GPHN: variants seen among roughly 807,000 people sequenced by gnomAD.
GPHN encodes the protein gephyrin.
In GPHN, 17 loss-of-function variants were observed where a neutral mutation model predicts 95.5. The observed-to-expected ratio is 0.18, with a 90% confidence interval of 0.12 to 0.27. The LOEUF is 0.27. GPHN is among the 10% of genes least tolerant of loss of function. The probability of loss-of-function intolerance (pLI) is 1.00; values close to 1 mark genes in which losing one functional copy is unlikely to be tolerated. For missense variants in GPHN, 660 were observed against 978.1 expected (o/e 0.67, Z 4.34); for synonymous variants, 320 against 322.5 (o/e 0.99, Z 0.08).
At chr14:67,542,125 C>G in the GPHN span, 5 of 882,564 alleles carry the variant, frequency 5.7e-6, no homozygotes, top group Admixed American at 3.2e-5. Context: ...AAAATGAAAC[C>G]CAAGGTAGTT....
the GPHN span, among the ~76,000 whole-genome samples, chr14:67,206,005 G>A: frequency 7.9e-5 from 12 of 152,070 alleles, no homozygotes; most frequent in South Asian, 6.2e-4. Flanking sequence ...GAAACATGGC[G>A]AAACCCCATC....
At chr14:66,834,025 G>A (rs555069837) in intron 4 of GPHN, among the ~76,000 whole-genome samples, 5 of 152,118 alleles carry the variant, frequency 3.3e-5, no homozygotes, top group Admixed American at 6.6e-5. Context: ...TTCTTCTATC[G>A]AAGAGTTCAT....
chr14:66,866,060 T>A (rs74670259), intron 4 of GPHN, among the ~76,000 whole-genome samples: 2,821 of 152,266 alleles, frequency 0.019, 38 homozygotes, highest in Non-Finnish European at 0.032. Flanking sequence ...TGCCAGTAGA[T>A]ACAACCAGTT....
the GPHN span, among the ~76,000 whole-genome samples, chr14:67,548,921 A>G: frequency 4.5e-4 from 69 of 152,216 alleles, no homozygotes; most frequent in Non-Finnish European, 1.2e-4. Flanking sequence ...CTGAGTGGAT[A>G]AATGGTTCTG....
chr14:67,476,913 G>C, the GPHN span, among the ~76,000 whole-genome samples: 1 of 152,104 alleles, frequency 6.6e-6, no homozygotes, highest in African/African-American at 2.4e-5. Context: ...ATCACCTGAG[G>C]TCAGGAGTTC....
At chr14:67,318,769 G>C in the GPHN span, among the ~76,000 whole-genome samples, 1 of 152,088 alleles carries the variant, frequency 6.6e-6, no homozygotes, top group African/African-American at 2.4e-5. Flanking sequence ...TTCAAGTTTA[G>C]ATATTAGGCC....
At chr14:66,833,055 A>T (rs967977120) in intron 4 of GPHN, among the ~76,000 whole-genome samples, 1 of 152,210 alleles carries the variant, frequency 6.6e-6, no homozygotes, top group African/African-American at 2.4e-5. Context: ...CAGACTGGCT[A>T]GAGAGGTACC....
the GPHN span, chr14:67,674,616 G>T: frequency 1.5e-6 from 1 of 682,452 alleles, no homozygotes; most frequent in African/African-American, 1.9e-5. Flanking sequence ...CCCAGGACGA[G>T]GCTCTTCCGG....
At chr14:67,447,437 GA>G in the GPHN span, 4 of 151,908 alleles carry the variant, frequency 2.6e-5, no homozygotes, top group East Asian at 1.9e-4. Flanking sequence ...AAAAGATAAA[GA>G]AAAAAAGAAG....
chr14:67,684,267 G>T, the GPHN span, among the ~76,000 whole-genome samples: 2 of 151,974 alleles, frequency 1.3e-5, no homozygotes, highest in African/African-American at 4.8e-5. Flanking sequence ...TAAAATTTCA[G>T]GTCATTTCAA....
the GPHN span, chr14:67,320,207 A>T: frequency 6.3e-7 from 1 of 1,596,730 alleles, no homozygotes; most frequent in Non-Finnish European, 8.5e-7. Flanking sequence ...TTGTTTGAAG[A>T]GCTTAACTTT....
intron 9 of GPHN, among the ~76,000 whole-genome samples, chr14:66,966,161 CAGTT>C (rs1027930429): frequency 4.6e-5 from 7 of 152,096 alleles, no homozygotes; most frequent in African/African-American, 1.7e-4. Flanking sequence ...AGGATTCTGA[CAGTT>C]AATTTTTCAA....
intron 1 of GPHN, among the ~76,000 whole-genome samples, chr14:66,599,392 A>ATTTGTTTTTTTTTTTTTTTTTTT (rs1555357374): frequency 1.3e-5 from 1 of 76,524 alleles, no homozygotes; most frequent in African/African-American, 7.2e-5. Context: ...TTTTTTTTGC[A>ATTTGTTTTTTTTTTTTTTTTTTT]TTTTTTTTTT....
At chr14:67,302,214 A>G in the GPHN span, 44 of 1,332,596 alleles carry the variant, frequency 3.3e-5, no homozygotes, top group Admixed American at 9.2e-4. Context: ...TGAATAGAGT[A>G]TTTCTGAAGC....
chr14:66,802,438 C>CTTGA (rs1297931091), intron 3 of GPHN, among the ~76,000 whole-genome samples: 1 of 152,138 alleles, frequency 6.6e-6, no homozygotes, highest in Non-Finnish European at 1.5e-5. Context: ...CAAGAGCCTA[C>CTTGA]TTGATGCTCA....
Position 66,932,461 on chromosome 14 carries a change from T to TTTTG in GPHN, c.828+8172_828+8173insGTTT, listed in dbSNP as rs1567118503. ...AAGACCAGGTTTTTTTTTTTTTTTT[T>TTTTG]TTTTTTTTTTTTTTTTTTTCAGTGC... On this transcript the variant is annotated intron_variant, in intron 8 of 22. Coordinates refer to ENST00000478722, the MANE Select transcript of GPHN (RefSeq NM_020806.5). 3.1e-3 allele frequency among the ~76,000 whole-genome samples: 411 copies of TTTTG among 130,726 alleles called. 3 individuals carry two copies. The highest frequency in any genetic ancestry group is 5.2e-3 in the Non-Finnish European group (320 of 62,074). 85.8% of individuals were successfully genotyped at this position (130,726 alleles called of 152,430 possible). A position where few individuals can be genotyped will look rare whatever the true frequency, so the allele number is the denominator to read the frequency against.
chr14:67,579,798 A>G, the GPHN span: 1 of 1,611,678 alleles, frequency 6.2e-7, no homozygotes, highest in East Asian at 2.2e-5. Flanking sequence ...TGAGAAAGCC[A>G]TCCCACTCTG....
the GPHN span, among the ~76,000 whole-genome samples, chr14:67,478,550 T>C: frequency 1.3e-5 from 2 of 152,050 alleles, no homozygotes; most frequent in African/African-American, 2.4e-5. Context: ...GCAAATCCGA[T>C]GTTTCTCACC....
intron 9 of GPHN, among the ~76,000 whole-genome samples, chr14:66,994,978 G>A (rs2071686952): frequency 6.6e-6 from 1 of 152,138 alleles, no homozygotes; most frequent in South Asian, 2.1e-4. Flanking sequence ...ACTACATTCT[G>A]CTATGCTTGG....
Sources: gnomAD v4.1 joint callset for allele counts (sites outside exome capture counted in the v4.1 genomes callset) on GRCh38, gnomAD v4.1.1 for gene constraint, MANE v1.5 for transcripts, NCBI Gene and HGNC (gene_info 2026-07-23, HGNC 2026-07-21) for gene names.